KIF21A: variants seen among roughly 807,000 people sequenced by gnomAD.
KIF21A encodes the protein kinesin family member 21A.
A neutral mutation model predicts 202.9 loss-of-function variants in KIF21A; 114 were observed. The observed-to-expected ratio is 0.56, with a 90% CI of 0.48 to 0.66. The LOEUF (loss-of-function observed/expected upper bound fraction) is 0.66, where lower values mean the gene tolerates loss of function less well. Among genes scored for constraint, KIF21A ranks in the 30% least tolerant of loss-of-function variants. KIF21A has a pLI of 0.00. For missense variants in KIF21A, 1,677 were observed against 1,994.9 expected, an observed-to-expected ratio of 0.84 and a Z score of 3.04; for synonymous variants, 667 against 670.8, an observed-to-expected ratio of 0.99 and a Z score of 0.09.
At chr12:39,331,002 G>C in intron 22 of KIF21A, 91 bp from the exon 23 acceptor site, 2 of 1,347,114 alleles carry the variant, frequency 1.5e-6, no homozygotes, top group South Asian at 2.4e-5. Context: ...TATGATATAT[G>C]GGTTTTGACA....
intron 12 of KIF21A, among the ~76,000 whole-genome samples, chr12:39,345,880 T>C (rs1947846861): frequency 6.6e-6 from 1 of 152,082 alleles, no homozygotes; most frequent in African/African-American, 2.4e-5. Flanking sequence ...GATGTCCACT[T>C]CAAATACATT....
chr12:39,317,979 C>T, intron 29 of KIF21A, 94 bp downstream of exon 29: 1 of 1,312,022 alleles, frequency 7.6e-7, no homozygotes, highest in Non-Finnish European at 1.1e-6. Context: ...GGCTCCATCT[C>T]CTACACAGAG....
intron 12 of KIF21A, among the ~76,000 whole-genome samples, chr12:39,342,600 G>A (rs1947534880): frequency 6.6e-6 from 1 of 152,162 alleles, no homozygotes; most frequent in Non-Finnish European, 1.5e-5. Flanking sequence ...TCTGCCCACA[G>A]TAAGCTTGTC....
At chr12:39,314,614 G>C (rs1360591603) in intron 31 of KIF21A, among the ~76,000 whole-genome samples, 1 of 151,708 alleles carries the variant, frequency 6.6e-6, no homozygotes, top group Non-Finnish European at 1.5e-5. Flanking sequence ...ATCTTCTTAA[G>C]AAAAAAGCTA....
At position 39,371,904 on chromosome 12, in the gene KIF21A, G is replaced by A. The variant is rs572392697; in HGVS notation, c.45-1643C>T. 5.9e-5 allele frequency among the ~76,000 whole-genome samples: 9 copies of A among 151,628 alleles called. No individual in the cohort carries two copies. In the South Asian group the frequency reaches 8.4e-4, roughly 14 times the overall value. Reference sequence around the variant, plus strand: ...AGACAGCACCACTGCACTCCAGCCTGGGCGACAGAGTAAGTGAGAATCCGT... The same window carrying A: ...AGACAGCACCACTGCACTCCAGCCTAGGCGACAGAGTAAGTGAGAATCCGT... On this transcript the variant is annotated intron_variant, in intron 1 of 37. Transcript: ENST00000361418.
chr12:39,370,916 GT>G (rs1269466766), intron 1 of KIF21A, among the ~76,000 whole-genome samples: 2 of 152,012 alleles, frequency 1.3e-5, no homozygotes, highest in East Asian at 3.9e-4. Context: ...TTTCACATTG[GT>G]TTCACAACTC....
At chr12:39,420,434 A>T (rs1954158923) in intron 1 of KIF21A, among the ~76,000 whole-genome samples, 1 of 152,182 alleles carries the variant, frequency 6.6e-6, no homozygotes. Flanking sequence ...AATGAAAGCA[A>T]AAGAGAACTA....
chr12:39,326,044 A>G (rs1192994764), intron 25 of KIF21A, 151 bp from the exon 26 acceptor site: 1 of 689,360 alleles, frequency 1.5e-6, no homozygotes, highest in African/African-American at 1.8e-5. Context: ...TAATTTAAAA[A>G]TAATTCATTT....
At chr12:39,368,123 A>C in intron 3 of KIF21A, 91 bp from the exon 4 acceptor site, 1 of 784,912 alleles carries the variant, frequency 1.3e-6, no homozygotes. Flanking sequence ...CTTCATACAG[A>C]TTTTTAAAGT....
rs1163639873 is a variant in KIF21A, at chr12:39,351,768, T to C, written c.1673+9A>G. On this transcript the variant is annotated intron_variant, in intron 11 of 37. Transcript: ENST00000361418. ...AGAGATTCATTTAGTGGTGATTTTA[T>C]AATCCCACCTTTTTTTCTTCCTCTT... 2.7e-6 allele frequency: 4 copies of C among 1,497,070 alleles called. No homozygotes were observed. The highest frequency in any genetic ancestry group is 2.8e-6 in the Non-Finnish European group (3 of 1,077,094). 92.7% of individuals were successfully genotyped at this position (1,497,070 alleles called of 1,614,324 possible).
chr12:39,368,737 T>TAA (rs762543777), intron 3 of KIF21A, among the ~76,000 whole-genome samples: 37 of 142,948 alleles, frequency 2.6e-4, no homozygotes, highest in African/African-American at 8.4e-4. Flanking sequence ...AAACCAGCAG[T>TAA]AAAAAAAAAA....
At chr12:39,397,375 T>C (rs964239559) in intron 1 of KIF21A, among the ~76,000 whole-genome samples, 1 of 152,176 alleles carries the variant, frequency 6.6e-6, no homozygotes, top group Admixed American at 6.5e-5. Context: ...CAGGATAATA[T>C]TGAGAGCTAG....
chr12:39,375,581 TA>T (rs1950219749), intron 1 of KIF21A, among the ~76,000 whole-genome samples: 1 of 152,088 alleles, frequency 6.6e-6, no homozygotes, highest in Non-Finnish European at 1.5e-5. Context: ...AGCAACCATA[TA>T]ATAGGGGTAT....
At chr12:39,431,091 A>G (rs1200843093) in intron 1 of KIF21A, among the ~76,000 whole-genome samples, 2 of 152,228 alleles carry the variant, frequency 1.3e-5, no homozygotes, top group Non-Finnish European at 2.9e-5. Context: ...TTTTAGTCTC[A>G]AAACATCCTA....
chr12:39,311,600 T>A, intron 31 of KIF21A, 47 bp from the exon 32 acceptor site: 1 of 1,605,482 alleles, frequency 6.2e-7, no homozygotes, highest in Non-Finnish European at 8.5e-7. Context: ...TTCAGTATCA[T>A]GAGACTATAT....
intron 1 of KIF21A, among the ~76,000 whole-genome samples, chr12:39,436,783 T>A (rs986155891): frequency 6.6e-6 from 1 of 152,128 alleles, no homozygotes; most frequent in Non-Finnish European, 1.5e-5. Context: ...ACGGGAAAAC[T>A]ATTTTAACAC....
At chr12:39,421,723 T>TTATATATATATATATATATAATTTA (rs374130613) in intron 1 of KIF21A, among the ~76,000 whole-genome samples, 8 of 135,000 alleles carry the variant, frequency 5.9e-5, no homozygotes, top group African/African-American at 2.2e-4. Flanking sequence ...TATATATAAT[T>TTATATATATATATATATATAATTTA]TATATATATA....
intron 1 of KIF21A, among the ~76,000 whole-genome samples, chr12:39,401,794 G>C (rs1952190163): frequency 6.6e-6 from 1 of 152,002 alleles, no homozygotes. Context: ...TTTAGAAATG[G>C]GATTTCAGGA....
chr12:39,337,199 C>A lies in KIF21A; in HGVS notation c.2315G>T (p.Arg772Leu). Residue 772 changes from arginine to leucine, a missense_variant, in exon 17 of 38, where the codon CGC becomes CTC. Physicochemically the swap from Arg to Leu is moderately radical, Grantham distance 102. Around this residue, in one of 3 missense-constraint regions of KIF21A, gnomAD observed 966 missense variants for 1,180.9 expected, o/e 0.82. Transcript: ENST00000361418. ...TTCTTCTTTCATTTGTTTCATTAGG[C>A]GAACCTAACCAATTAGGTATAGACA... is the stretch of plus-strand genomic sequence containing the variant. ...DVMEMKKTKVRLMKQMKEEQE... is the reference protein window; with the variant it reads ...DVMEMKKTKVLLMKQMKEEQE... The A allele has an allele frequency of 6.3e-7, 1 of 1,596,430 alleles. No homozygotes were observed. Among genetic ancestry groups the A allele is most frequent in the Non-Finnish European group, 8.6e-7 (1 of 1,165,220 alleles).
Sources: gnomAD v4.1 joint callset for allele counts (sites outside exome capture counted in the v4.1 genomes callset) on GRCh38, gnomAD v4.1.1 for gene constraint, gnomAD v4.1.1 regional missense constraint, MANE v1.5 for transcripts, NCBI Gene and HGNC (gene_info 2026-07-23, HGNC 2026-07-21) for gene names.